Variants in CACNB4 observed in about 807,000 individuals in gnomAD.
The protein encoded by CACNB4 is calcium voltage-gated channel auxiliary subunit beta 4, also known as voltage-dependent L-type calcium channel subunit beta-4.
CACNB4 carries 32 observed loss-of-function variants against 71.2 expected under a neutral mutation model. The observed-to-expected ratio is 0.45, with a 90% CI of 0.34 to 0.60. The LOEUF is 0.60. CACNB4 is among the 20% of genes least tolerant of loss of function. The pLI, the probability that CACNB4 is intolerant of heterozygous loss-of-function variation, is 0.01. For synonymous variants in CACNB4, 231 were observed against 236.9 expected (o/e 0.97, Z 0.23); for missense variants, 464 against 647.9 (o/e 0.72, Z 3.08).
chr2:151,944,334 C>T (rs749739702), intron 2 of CACNB4, among the ~76,000 whole-genome samples: 7 of 152,148 alleles, frequency 4.6e-5, no homozygotes, highest in Admixed American at 2.0e-4. Context: ...GCCACCACGT[C>T]CGGCCTGGGA....
chr2:152,082,488 C>T (rs1687413653), intron 2 of CACNB4, among the ~76,000 whole-genome samples: 1 of 152,204 alleles, frequency 6.6e-6, no homozygotes. Context: ...CCGCAGTCAG[C>T]CTGCAGAACC....
At chr2:151,900,186 G>A (rs2099853029) in intron 2 of CACNB4, among the ~76,000 whole-genome samples, 1 of 152,170 alleles carries the variant, frequency 6.6e-6, no homozygotes, top group South Asian at 2.1e-4. Context: ...TGCTAAAGAA[G>A]TAAAAGGCAT....
intron 2 of CACNB4, among the ~76,000 whole-genome samples, chr2:152,020,501 T>C (rs1683598734): frequency 1.3e-5 from 2 of 152,188 alleles, no homozygotes; most frequent in South Asian, 2.1e-4. Flanking sequence ...GGGTAGAAGA[T>C]TTCTCTTTTG....
chr2:152,011,238 C>T (rs1683039837), intron 2 of CACNB4, among the ~76,000 whole-genome samples: 1 of 152,136 alleles, frequency 6.6e-6, no homozygotes, highest in Admixed American at 6.5e-5. Context: ...AACTGAAACT[C>T]CAGGCTCAGT....
intron 2 of CACNB4, among the ~76,000 whole-genome samples, chr2:151,887,108 T>A (rs2099849549): frequency 6.6e-6 from 1 of 152,120 alleles, no homozygotes; most frequent in African/African-American, 2.4e-5. Context: ...AAGGAAAGAA[T>A]GTTAGATGCT....
At chr2:151,853,142 G>A (rs575213679) in intron 12 of CACNB4, 16 of 265,008 alleles carry the variant, frequency 6.0e-5, no homozygotes, top group African/African-American at 2.3e-4. Flanking sequence ...TTTCTTAAGC[G>A]TATCCATGTG....
intron 2 of CACNB4, among the ~76,000 whole-genome samples, chr2:151,928,373 C>G (rs1250922307): frequency 2.0e-5 from 3 of 152,130 alleles, no homozygotes; most frequent in Admixed American, 2.0e-4. Context: ...TCTAATGTAA[C>G]AGAACCAAAA....
At chr2:151,843,212 T>C (rs2099836676) in intron 12 of CACNB4, among the ~76,000 whole-genome samples, 1 of 152,210 alleles carries the variant, frequency 6.6e-6, no homozygotes, top group Non-Finnish European at 1.5e-5. Flanking sequence ...ACAGACAGGA[T>C]ATACCCCAGA....
At chr2:151,869,102 T>C (rs1578541118) in intron 9 of CACNB4, 75 bp downstream of exon 9, 4 of 845,352 alleles carry the variant, frequency 4.7e-6, no homozygotes, top group African/African-American at 1.7e-5. Context: ...TCTGGAAACA[T>C]AGATCTACAA....
At position 152,071,828 on chromosome 2, in the gene CACNB4, T is replaced by C. The variant is rs186075489; in HGVS notation, c.147+26502A>G. Among the ~76,000 whole-genome samples, 87 of 152,348 alleles carry C rather than the reference T, an allele frequency of 5.7e-4. 1 individual carries two copies. Among genetic ancestry groups the C allele is most frequent in the African/African-American group, 1.9e-3 (79 of 41,580 alleles). On this transcript the variant is annotated intron_variant, in intron 2 of 13. Transcript: ENST00000539935. ...ATTTCCTAATCCAGAAATTTATTCATTCAACAAACATAGTGCAAATATACC... is the reference window on the plus strand; with the variant it reads ...ATTTCCTAATCCAGAAATTTATTCACTCAACAAACATAGTGCAAATATACC...
intron 5 of CACNB4, among the ~76,000 whole-genome samples, chr2:151,875,977 C>G (rs1395587336): frequency 7.5e-6 from 1 of 133,094 alleles, no homozygotes; most frequent in Non-Finnish European, 1.7e-5. Flanking sequence ...GGGGGGCTGA[C>G]TCCCCCACCT....
chr2:151,898,790 G>A (rs1297133610), intron 2 of CACNB4, among the ~76,000 whole-genome samples: 5 of 152,094 alleles, frequency 3.3e-5, no homozygotes, highest in Admixed American at 1.3e-4. Context: ...TATCCAAATG[G>A]CTGGATTTGA....
chr2:152,035,681 TA>T (rs1460203249), intron 2 of CACNB4, among the ~76,000 whole-genome samples: 1 of 141,910 alleles, frequency 7.0e-6, no homozygotes. Context: ...ATGTATGTAT[TA>T]AGATGCACCT....
intron 9 of CACNB4, chr2:151,861,504 CCAGGATTTTCTACGTTAGAAAGT>C (rs2099841631): frequency 6.6e-6 from 1 of 152,118 alleles, no homozygotes; most frequent in Non-Finnish European, 1.5e-5. Flanking sequence ...GAGTATTGTG[CCAGGATTTTCTACGTTAGAAAGT>C]ATCCTTCGGT....
intron 2 of CACNB4, chr2:151,967,829 T>A (rs1372628070): frequency 6.6e-6 from 1 of 152,064 alleles, no homozygotes; most frequent in Non-Finnish European, 1.5e-5. Flanking sequence ...TTTTCAATAT[T>A]TCTCATGACA....
chr2:152,085,577 C>CATGGTGTGGCTCATGGAGA (rs1687614356), intron 2 of CACNB4, among the ~76,000 whole-genome samples: 1 of 152,066 alleles, frequency 6.6e-6, no homozygotes, highest in Non-Finnish European at 1.5e-5. Context: ...CCATGAGGGT[C>CATGGTGTGGCTCATGGAGA]CCGGCTGGTC....
In CACNB4 at chr2:151,862,640, T is replaced by C. The variant is rs932029717; in HGVS notation, c.759-1820A>G. On this transcript the variant is annotated intron_variant, in intron 9 of 13. Transcript: ENST00000539935. The stretch of plus-strand genomic sequence containing the variant: ...TTCTGTTTTCTGCATTGGGGCTTTA[T>C]ATATGATTTCACTATAAAAAGCTGT... Among the ~76,000 whole-genome samples, 7 of 152,186 alleles carry C rather than the reference T, an allele frequency of 4.6e-5. No individual in the cohort carries two copies. In the East Asian group the frequency reaches 1.2e-3, roughly 25 times the overall value.
At chr2:151,997,981 T>C (rs1682159327) in intron 2 of CACNB4, among the ~76,000 whole-genome samples, 1 of 152,230 alleles carries the variant, frequency 6.6e-6, no homozygotes, top group Admixed American at 6.5e-5. Flanking sequence ...CAAATTTATC[T>C]ACAGATCCCG....
chr2:152,033,663 T>TG (rs1433801259), intron 2 of CACNB4, among the ~76,000 whole-genome samples: 1 of 152,076 alleles, frequency 6.6e-6, no homozygotes, highest in Non-Finnish European at 1.5e-5. Flanking sequence ...GAGCCAAACT[T>TG]GGGGAAAAAA....
Sources: gnomAD v4.1 joint callset for allele counts (sites outside exome capture counted in the v4.1 genomes callset) on GRCh38, gnomAD v4.1.1 for gene constraint, MANE v1.5 for transcripts, NCBI Gene and HGNC (gene_info 2026-07-23, HGNC 2026-07-21) for gene names.